IKZF1: variants seen among roughly 807,000 people sequenced by gnomAD.
IKZF1 encodes the protein DNA-binding protein Ikaros.
A neutral mutation model predicts 51.7 loss-of-function variants in IKZF1; 10 were observed. That is an observed-to-expected ratio of 0.19 (90% CI 0.12 to 0.33). The LOEUF (loss-of-function observed/expected upper bound fraction) is 0.33, where lower values mean the gene tolerates loss of function less well. IKZF1 is among the 10% of genes least tolerant of loss of function. IKZF1 has a pLI of 1.00. For synonymous variants in IKZF1, 280 were observed against 282.3 expected (o/e 0.99, Z 0.08); for missense variants, 484 against 707.5 (o/e 0.68, Z 3.58).
At chr7:50,355,001 T>C (rs1802898669) in intron 3 of IKZF1, among the ~76,000 whole-genome samples, 1 of 152,024 alleles carries the variant, frequency 6.6e-6, no homozygotes, top group African/African-American at 2.4e-5. Flanking sequence ...TTCAGGAGAT[T>C]CCCATAGGAA....
At chr7:50,361,359 A>C (rs1805168348) in intron 3 of IKZF1, among the ~76,000 whole-genome samples, 1 of 152,214 alleles carries the variant, frequency 6.6e-6, no homozygotes, top group East Asian at 1.9e-4. Flanking sequence ...ATTTTTACAA[A>C]AAAGTAGTAT....
chr7:50,370,513 C>A (rs1808347559), intron 3 of IKZF1, among the ~76,000 whole-genome samples: 1 of 152,224 alleles, frequency 6.6e-6, no homozygotes, highest in South Asian at 2.1e-4. Context: ...TGTGGGGTCT[C>A]TCTTAGTACT....
intron 3 of IKZF1, among the ~76,000 whole-genome samples, chr7:50,354,290 G>A (rs1408537714): frequency 6.6e-6 from 1 of 152,204 alleles, no homozygotes; most frequent in East Asian, 1.9e-4. Flanking sequence ...TCATCCAGTT[G>A]GTTACTGCTG....
intron 3 of IKZF1, among the ~76,000 whole-genome samples, chr7:50,374,416 T>C (rs1049288091): frequency 6.6e-5 from 10 of 152,224 alleles, no homozygotes; most frequent in African/African-American, 9.7e-5. Context: ...ATTTGGATGC[T>C]GGGGCCAGGC....
At chr7:50,320,882 T>G (rs1793045514) in intron 2 of IKZF1, among the ~76,000 whole-genome samples, 4 of 152,234 alleles carry the variant, frequency 2.6e-5, no homozygotes, top group South Asian at 4.1e-4. Context: ...CACTGCAGCA[T>G]TGTTATCAGT....
rs1818157077 is a variant in IKZF1, at chr7:50,401,702, GGTAA to G, written c.*1078_*1081del. 3 of 218,346 alleles carry G rather than the reference GGTAA, an allele frequency of 1.4e-5. No individual in the cohort carries two copies. The highest frequency in any genetic ancestry group is 4.5e-5 in the African/African-American group (2 of 44,488). The allele number at this position is 218,346 out of a possible 1,614,324, so 13.5% of individuals were successfully genotyped here. A position where few individuals can be genotyped will look rare whatever the true frequency, so the allele number is the denominator to read the frequency against. On this transcript the variant is annotated 3_prime_UTR_variant, in exon 8 of 8. Transcript: ENST00000331340. ...CCACAAGCCTGAATTTCTCAGTGTTGGTAAGTTTCTTTACCTACCCTCACTATAT... is the reference window on the plus strand; with the variant it reads ...CCACAAGCCTGAATTTCTCAGTGTTGGTTTCTTTACCTACCCTCACTATAT...
intron 1 of IKZF1, among the ~76,000 whole-genome samples, chr7:50,315,388 G>C (rs1375742871): frequency 6.6e-6 from 1 of 152,150 alleles, no homozygotes; most frequent in Non-Finnish European, 1.5e-5. Context: ...GAGGGTGCCT[G>C]GTGGCTTGTG....
chr7:50,355,619 G>GAATAAATAAATAAATA lies in IKZF1; in HGVS notation c.161-20894_161-20879dup, dbSNP rs57903869. On this transcript the variant is annotated intron_variant, in intron 3 of 7. Coordinates refer to ENST00000331340, the MANE Select transcript of IKZF1 (RefSeq NM_006060.6). ...TCCAAAGTTTAATGTGTTAGCTTGC[G>GAATAAATAAATAAATA]AATAAATAAATAAATAAATAAATAA... Among the ~76,000 whole-genome samples the GAATAAATAAATAAATA allele has an allele frequency of 5.8e-3, 854 of 147,478 alleles. 4 individuals carry two copies. The highest frequency in any genetic ancestry group is 7.5e-3 in the Admixed American group (111 of 14,808).
At chr7:50,306,650 G>A (rs1319918661) in intron 1 of IKZF1, among the ~76,000 whole-genome samples, 3 of 152,216 alleles carry the variant, frequency 2.0e-5, no homozygotes, top group Non-Finnish European at 4.4e-5. Context: ...AGCTGTGGCC[G>A]TTTGTAGCCA....
intron 1 of IKZF1, among the ~76,000 whole-genome samples, chr7:50,311,761 C>A (rs147176453): frequency 6.6e-6 from 1 of 152,000 alleles, no homozygotes; most frequent in South Asian, 2.1e-4. Flanking sequence ...TTTACTTGTA[C>A]GTTAAGATAA....
intron 5 of IKZF1, 102 bp from the exon 6 acceptor site, chr7:50,387,243 T>A: frequency 7.1e-7 from 1 of 1,408,134 alleles, no homozygotes; most frequent in Non-Finnish European, 9.3e-7. Flanking sequence ...AGGGTAGAAT[T>A]TTTTTTTTAA....
intron 1 of IKZF1, among the ~76,000 whole-genome samples, chr7:50,307,694 C>T (rs943270378): frequency 2.0e-5 from 3 of 152,128 alleles, no homozygotes; most frequent in African/African-American, 4.8e-5. Context: ...ATCTATTTCA[C>T]GTCTTGAAAA....
chr7:50,393,193 G>T (rs1230662905), intron 7 of IKZF1, among the ~76,000 whole-genome samples: 1 of 152,156 alleles, frequency 6.6e-6, no homozygotes, highest in African/African-American at 2.4e-5. Flanking sequence ...TAGGGCTGGG[G>T]GCAGGGATTA....
chr7:50,375,162 C>T (rs952974462), intron 3 of IKZF1, among the ~76,000 whole-genome samples: 1 of 152,188 alleles, frequency 6.6e-6, no homozygotes, highest in Admixed American at 6.5e-5. Context: ...TGGCTCACAA[C>T]TGTAATCTCA....
chr7:50,398,168 A>T (rs1276074161), intron 7 of IKZF1, among the ~76,000 whole-genome samples: 1 of 152,206 alleles, frequency 6.6e-6, no homozygotes, highest in Non-Finnish European at 1.5e-5. Context: ...CACCCTCACC[A>T]GCCATCATCA....
intron 5 of IKZF1, among the ~76,000 whole-genome samples, chr7:50,383,399 A>G (rs1053861793): frequency 6.6e-6 from 1 of 152,192 alleles, no homozygotes; most frequent in African/African-American, 2.4e-5. Context: ...CAAAGTTCAA[A>G]TCCACTAAAG....
chr7:50,312,845 C>T (rs561191426), intron 1 of IKZF1, among the ~76,000 whole-genome samples: 2 of 152,100 alleles, frequency 1.3e-5, no homozygotes, highest in South Asian at 2.1e-4. Context: ...AGTTAAATGT[C>T]GGGGGAGGGT....
intron 7 of IKZF1, among the ~76,000 whole-genome samples, chr7:50,399,438 T>A (rs1817557002): frequency 6.6e-6 from 1 of 151,136 alleles, no homozygotes; most frequent in East Asian, 1.9e-4. Context: ...ATATCACATA[T>A]TTTAAATATA....
chr7:50,306,657 G>A (rs1788879839), intron 1 of IKZF1, among the ~76,000 whole-genome samples: 1 of 152,220 alleles, frequency 6.6e-6, no homozygotes, highest in East Asian at 1.9e-4. Context: ...GCCGTTTGTA[G>A]CCATTTCCTT....
Sources: gnomAD v4.1 joint callset for allele counts (sites outside exome capture counted in the v4.1 genomes callset) on GRCh38, gnomAD v4.1.1 for gene constraint, MANE v1.5 for transcripts, NCBI Gene and HGNC (gene_info 2026-07-23, HGNC 2026-07-21) for gene names.